The following PRIMPOL variants were observed in gnomAD, a reference collection of about 807,000 sequenced individuals.
PRIMPOL encodes primase and DNA directed polymerase, also known as DNA-directed primase/polymerase protein.
PRIMPOL carries 54 observed loss-of-function variants against 63.6 expected under a neutral mutation model. The ratio of observed to expected loss-of-function variants is 0.85; its 90% CI spans 0.68 to 1.07. The LOEUF is 1.07. Among genes scored for constraint, PRIMPOL ranks in the 50% least tolerant of loss-of-function variants. The probability of loss-of-function intolerance (pLI) is 0.00; values close to 1 mark genes in which losing one functional copy is unlikely to be tolerated. For synonymous variants in PRIMPOL, 197 were observed against 220.2 expected (o/e 0.89, Z 0.93); for missense variants, 610 against 648.3 (o/e 0.94, Z 0.64).
intron 2 of PRIMPOL, among the ~76,000 whole-genome samples, chr4:184,654,759 T>C (rs998738275): frequency 4.6e-5 from 7 of 152,168 alleles, no homozygotes; most frequent in Admixed American, 2.0e-4. Flanking sequence ...GCTGAAGCAG[T>C]TTTTAAAAAA....
chr4:184,651,017 C>G (rs746925193), intron 1 of PRIMPOL, among the ~76,000 whole-genome samples: 7 of 151,760 alleles, frequency 4.6e-5, no homozygotes, highest in Admixed American at 6.6e-5. Context: ...AGTCCCGGCG[C>G]GGTGGCTCAT....
intron 9 of PRIMPOL, among the ~76,000 whole-genome samples, chr4:184,682,599 C>T (rs1166176433): frequency 1.3e-5 from 2 of 152,154 alleles, no homozygotes; most frequent in Non-Finnish European, 2.9e-5. Flanking sequence ...CTGTCTGCCT[C>T]AGCCTCCCAA....
Position 184,682,270 on chromosome 4 carries a change from CT to C in PRIMPOL, c.1032del (p.Thr345HisfsTer22). ...NVRFSDTLRI[L>X]TCEPSQNKQK... ...CAGGTTCTCAGATACTTTACGAATT[CT>C]TACATGTGAGCCATCTCAGAATAAA... is the stretch of plus-strand genomic sequence containing the variant. On this transcript the variant is annotated frameshift_variant, in exon 9 of 14. Coordinates refer to ENST00000314970, the MANE Select transcript of PRIMPOL (RefSeq NM_152683.4). LOFTEE classifies it high-confidence loss of function. The C allele has an allele frequency of 6.3e-7, 1 of 1,597,506 alleles. No homozygotes were observed. The highest frequency in any genetic ancestry group is 8.6e-7 in the Non-Finnish European group (1 of 1,165,888).
At chr4:184,685,943 A>G (rs955261008) in intron 11 of PRIMPOL, among the ~76,000 whole-genome samples, 4 of 152,000 alleles carry the variant, frequency 2.6e-5, no homozygotes, top group Non-Finnish European at 4.4e-5. Context: ...CTGGGATTAC[A>G]GGCGCCTGCC....
intron 13 of PRIMPOL, among the ~76,000 whole-genome samples, chr4:184,692,471 CAAAAAAAAAAAA>C (rs60321808): frequency 1.4e-5 from 1 of 73,806 alleles, no homozygotes; most frequent in African/African-American, 4.1e-5. Flanking sequence ...GACTCTGCCT[CAAAAAAAAAAAA>C]AAAAAAAAAA....
chr4:184,658,104 A>G (rs1455223102), intron 3 of PRIMPOL, among the ~76,000 whole-genome samples: 1 of 151,880 alleles, frequency 6.6e-6, no homozygotes, highest in Non-Finnish European at 1.5e-5. Flanking sequence ...TGGGGAATGT[A>G]AAGAAATATG....
At chr4:184,668,422 G>A (rs572204319) in intron 6 of PRIMPOL, among the ~76,000 whole-genome samples, 12 of 152,298 alleles carry the variant, frequency 7.9e-5, no homozygotes, top group Middle Eastern at 3.4e-3. Flanking sequence ...GTGATTATTC[G>A]CTGCCTTCAG....
chr4:184,656,303 G>A (rs747241298), intron 2 of PRIMPOL, among the ~76,000 whole-genome samples: 15 of 152,088 alleles, frequency 9.9e-5, no homozygotes, highest in South Asian at 2.1e-4. Flanking sequence ...GTACGAGAGT[G>A]AGTTTAGGTG....
In PRIMPOL at chr4:184,665,923, T is replaced by C. The variant is rs2150068121; in HGVS notation, c.415T>C (p.Cys139Arg). ...KMVALLIEYV[C>R]KALQELYGVN... ...ATTTTACTTGTGTTTTTAGTATGTG[T>C]GTAAAGCACTTCAAGAGTTATACGG... Residue 139 changes from cysteine (C) to arginine (R), a missense_variant, in exon 6 of 14, where the codon TGT becomes CGT. Cys to Arg is a radical substitution (Grantham distance 180, BLOSUM62 -3). Transcript: ENST00000314970. 6.3e-7 allele frequency: 1 copy of C among 1,580,670 alleles called. No individual in the cohort carries two copies.
At position 184,678,386 on chromosome 4, in the gene PRIMPOL, C is replaced by T. The variant is rs753006183; in HGVS notation, c.999C>T (p.Ser333=). Residue 333 remains serine, a synonymous_variant, in exon 8 of 14, where the codon AGC becomes AGT. Transcript: ENST00000314970. Reference sequence around the variant, plus strand: ...AATATTTTCTCTCTTCTTTGGTCAGCAATGTCAGGTATGTAGTAGCAGCAT... The same window carrying T: ...AATATTTTCTCTCTTCTTTGGTCAGTAATGTCAGGTATGTAGTAGCAGCAT... The part of the protein sequence containing the change: ...EYQYFLSSLV[S]NVRFSDTLRI... 51 of 1,601,864 alleles carry T rather than the reference C, an allele frequency of 3.2e-5. 1 individual carries two copies. The highest frequency in any genetic ancestry group is 3.4e-4 in the Middle Eastern group (2 of 5,950).
chr4:184,678,187 A>G, intron 7 of PRIMPOL, 45 bp from the exon 8 acceptor site: 2 of 1,311,950 alleles, frequency 1.5e-6, no homozygotes, highest in Non-Finnish European at 2.1e-6. Context: ...TGAAACTAAT[A>G]ACAGAAAACA....
At chr4:184,684,760 G>A (rs138953244) in intron 9 of PRIMPOL, among the ~76,000 whole-genome samples, 1 of 152,136 alleles carries the variant, frequency 6.6e-6, no homozygotes, top group Non-Finnish European at 1.5e-5. Context: ...GTTCTGAGTT[G>A]GGTGTTGTTA....
intron 11 of PRIMPOL, among the ~76,000 whole-genome samples, chr4:184,687,944 G>A (rs1433225098): frequency 6.6e-6 from 1 of 152,154 alleles, no homozygotes; most frequent in African/African-American, 2.4e-5. Context: ...TCTTTTGCTT[G>A]TTTTCGAATC....
At chr4:184,663,701 C>T (rs1358463751) in intron 5 of PRIMPOL, among the ~76,000 whole-genome samples, 3 of 152,150 alleles carry the variant, frequency 2.0e-5, no homozygotes, top group Admixed American at 6.6e-5. Flanking sequence ...CTGTAGAAAT[C>T]GAAGTTCAAA....
chr4:184,659,715 A>G (rs1747728961), intron 4 of PRIMPOL, among the ~76,000 whole-genome samples: 2 of 152,366 alleles, frequency 1.3e-5, no homozygotes, highest in East Asian at 1.9e-4. Flanking sequence ...AAATTATACT[A>G]TTAATCACAA....
chr4:184,671,225 C>T (rs1042529942), intron 6 of PRIMPOL, among the ~76,000 whole-genome samples: 2 of 152,116 alleles, frequency 1.3e-5, no homozygotes, highest in East Asian at 3.8e-4. Context: ...GCTCCGAGGC[C>T]GTAGTCCATC....
chr4:184,668,272 T>C (rs1192497211), intron 6 of PRIMPOL, among the ~76,000 whole-genome samples: 1 of 152,224 alleles, frequency 6.6e-6, no homozygotes, highest in African/African-American at 2.4e-5. Context: ...CCGTGATGTG[T>C]GTATCAGTGA....
rs768352712 is a variant in PRIMPOL, at chr4:184,691,448, T to C, written c.1296-51T>C. ...GGAACAGCATGCAGCTGGATTTTGT[T>C]TTCTACCCAGTCTTGGTATTAATAC... On this transcript the variant is annotated intron_variant, in intron 11 of 13. Transcript: ENST00000314970. 68 of 1,132,770 alleles carry C rather than the reference T, an allele frequency of 6.0e-5. No homozygotes were observed. In the African/African-American group the frequency reaches 9.5e-4, roughly 16 times the overall value. 70.2% of individuals were successfully genotyped at this position (1,132,770 alleles called of 1,614,324 possible).
chr4:184,657,616 A>C, intron 3 of PRIMPOL: 1 of 207,930 alleles, frequency 4.8e-6, no homozygotes, highest in Non-Finnish European at 9.6e-6. Flanking sequence ...TTATGCTTAG[A>C]GGGAGGGGAA....
Sources: gnomAD v4.1 joint callset for allele counts (sites outside exome capture counted in the v4.1 genomes callset) on GRCh38, gnomAD v4.1.1 for gene constraint, MANE v1.5 for transcripts, NCBI Gene and HGNC (gene_info 2026-07-23, HGNC 2026-07-21) for gene names.